The following RASGRF2 variants were observed in gnomAD, a reference collection of about 807,000 sequenced individuals.
RASGRF2 encodes the protein Ras protein specific guanine nucleotide releasing factor 2.
In RASGRF2, 76 loss-of-function variants were observed where a neutral mutation model predicts 151.0. That is an observed-to-expected ratio of 0.50 (90% CI 0.42 to 0.61). The LOEUF (loss-of-function observed/expected upper bound fraction) is 0.61, where lower values mean the gene tolerates loss of function less well. RASGRF2 is among the 20% of genes least tolerant of loss of function. The pLI is 0.00. For missense variants in RASGRF2, 1,148 were observed against 1,564.6 expected, an observed-to-expected ratio of 0.73 and a Z score of 4.49; for synonymous variants, 504 against 566.5, an observed-to-expected ratio of 0.89 and a Z score of 1.57.
intron 1 of RASGRF2, among the ~76,000 whole-genome samples, chr5:81,006,887 C>G (rs576172128): frequency 1.9e-4 from 29 of 152,158 alleles, no homozygotes; most frequent in Non-Finnish European, 3.5e-4. Flanking sequence ...ATAGACTTGT[C>G]ACAAACCATT....
chr5:81,064,514 T>C (rs1463964042), intron 2 of RASGRF2, among the ~76,000 whole-genome samples: 3 of 152,146 alleles, frequency 2.0e-5, no homozygotes, highest in Non-Finnish European at 2.9e-5. Flanking sequence ...CGGGGATCAT[T>C]AGGGGGCCAT....
chr5:81,042,771 C>G, intron 1 of RASGRF2, 106 bp from the exon 2 acceptor site: 1 of 766,156 alleles, frequency 1.3e-6, no homozygotes, highest in Non-Finnish European at 2.1e-6. Flanking sequence ...TGCATAAGCA[C>G]TGATGCATTT....
chr5:81,192,222 T>C (rs1422961947), intron 18 of RASGRF2, among the ~76,000 whole-genome samples: 2 of 152,216 alleles, frequency 1.3e-5, no homozygotes, highest in Non-Finnish European at 2.9e-5. Flanking sequence ...AGTCCCCAGA[T>C]GATTGTCAGG....
chr5:81,053,812 A>G (rs368658202), intron 2 of RASGRF2, among the ~76,000 whole-genome samples: 4,041 of 151,476 alleles, frequency 0.027, 179 homozygotes, highest in African/African-American at 0.091. Flanking sequence ...TTTAATGATC[A>G]CCATTCTAAC....
At chr5:81,199,079 T>C (rs1186451516) in intron 18 of RASGRF2, among the ~76,000 whole-genome samples, 1 of 152,184 alleles carries the variant, frequency 6.6e-6, no homozygotes, top group African/African-American at 2.4e-5. Flanking sequence ...AATGATCAAA[T>C]TCAGGAAAAT....
intron 1 of RASGRF2, among the ~76,000 whole-genome samples, chr5:81,013,083 A>T (rs1322269316): frequency 6.6e-6 from 1 of 152,136 alleles, no homozygotes; most frequent in Non-Finnish European, 1.5e-5. Flanking sequence ...GAGTTTTAAG[A>T]CACTCTATAT....
At chr5:81,186,711 C>T in intron 18 of RASGRF2, among the ~76,000 whole-genome samples, 1 of 152,188 alleles carries the variant, frequency 6.6e-6, no homozygotes, top group African/African-American at 2.4e-5. Context: ...ACACTCTAGT[C>T]ACTCATAGCA....
At chr5:81,146,992 G>T (rs1239132596) in intron 17 of RASGRF2, among the ~76,000 whole-genome samples, 2 of 152,160 alleles carry the variant, frequency 1.3e-5, no homozygotes, top group Admixed American at 1.3e-4. Context: ...AAGTACAAGA[G>T]TAGAAGGCAT....
chr5:81,199,897 CAA>C (rs33924703), intron 18 of RASGRF2, among the ~76,000 whole-genome samples: 17 of 95,442 alleles, frequency 1.8e-4, no homozygotes, highest in Admixed American at 3.6e-4. Context: ...GACTCCATCT[CAA>C]AAAAAAAAAA....
At chr5:81,131,015 A>G (rs1049863702) in intron 17 of RASGRF2, among the ~76,000 whole-genome samples, 1 of 152,090 alleles carries the variant, frequency 6.6e-6, no homozygotes, top group Non-Finnish European at 1.5e-5. Flanking sequence ...ATCTCCATCA[A>G]AATATATAGG....
intron 1 of RASGRF2, among the ~76,000 whole-genome samples, chr5:80,985,767 G>C (rs563196342): frequency 3.9e-5 from 6 of 152,272 alleles, no homozygotes; most frequent in South Asian, 2.1e-4. Flanking sequence ...GGATGTGGAG[G>C]GGGTGGAGTA....
At chr5:81,040,333 A>G (rs1055380376) in intron 1 of RASGRF2, among the ~76,000 whole-genome samples, 1 of 152,206 alleles carries the variant, frequency 6.6e-6, no homozygotes, top group African/African-American at 2.4e-5. Context: ...ACTTGATACT[A>G]TTCCTCAATT....
chr5:81,171,733 G>A (rs1387504960), intron 17 of RASGRF2, among the ~76,000 whole-genome samples: 1 of 151,952 alleles, frequency 6.6e-6, no homozygotes, highest in Non-Finnish European at 1.5e-5. Context: ...TCATGTTATT[G>A]TCTCCCACAA....
intron 1 of RASGRF2, among the ~76,000 whole-genome samples, chr5:80,980,482 G>T (rs1204260929): frequency 1.3e-5 from 2 of 152,054 alleles, no homozygotes; most frequent in Non-Finnish European, 2.9e-5. Context: ...GCTACTAAAA[G>T]AATATGAAAA....
chr5:81,066,684 C>T (rs1182704825), intron 2 of RASGRF2, among the ~76,000 whole-genome samples: 1 of 152,166 alleles, frequency 6.6e-6, no homozygotes, highest in Non-Finnish European at 1.5e-5. Context: ...TGTTTTGGCT[C>T]GGATGTGGCC....
At chr5:81,173,312 A>G (rs969468272) in intron 17 of RASGRF2, among the ~76,000 whole-genome samples, 6 of 152,160 alleles carry the variant, frequency 3.9e-5, no homozygotes, top group African/African-American at 1.4e-4. Context: ...CGGGAGGCAG[A>G]GGTTGCAGTG....
At chr5:80,987,951 T>G (rs1748523922) in intron 1 of RASGRF2, among the ~76,000 whole-genome samples, 1 of 148,126 alleles carries the variant, frequency 6.8e-6, no homozygotes, top group Admixed American at 6.9e-5. Context: ...TCTTTCTCTG[T>G]GTTTCATTTG....
chr5:81,179,811 C>T (rs1026479307), intron 17 of RASGRF2, among the ~76,000 whole-genome samples: 1 of 152,066 alleles, frequency 6.6e-6, no homozygotes, highest in Admixed American at 6.5e-5. Context: ...GCAGTTACTG[C>T]GAGGCAAAAG....
chr5:81,216,097 T>G, intron 24 of RASGRF2, 142 bp downstream of exon 24: 1 of 872,774 alleles, frequency 1.1e-6, no homozygotes, highest in Middle Eastern at 4.0e-4. Context: ...TCTAGGTATT[T>G]TTCTGATTGT....
Sources: allele counts gnomAD v4.1 joint callset (sites outside exome capture counted in the v4.1 genomes callset), GRCh38; gene constraint gnomAD v4.1.1; transcripts MANE v1.5; gene names NCBI Gene and HGNC (gene_info 2026-07-23, HGNC 2026-07-21).